The following SCG5 variants were observed in gnomAD, a reference collection of about 807,000 sequenced individuals.
SCG5 encodes the protein neuroendocrine protein 7B2.
In SCG5, 18 loss-of-function variants were observed where a neutral mutation model predicts 25.7. That is an observed-to-expected ratio of 0.70 (90% CI 0.48 to 1.04). The LOEUF is 1.04. Ranked by LOEUF, SCG5 falls within the 50% of genes least tolerant of loss-of-function variation. The pLI, the probability that SCG5 is intolerant of heterozygous loss-of-function variation, is 0.00. For missense variants in SCG5, 206 were observed against 259.8 expected (o/e 0.79, Z 1.42); for synonymous variants, 101 against 91.7 (o/e 1.10, Z -0.58).
At chr15:32,651,949 G>C (rs535011319) in intron 2 of SCG5, among the ~76,000 whole-genome samples, 25 of 152,308 alleles carry the variant, frequency 1.6e-4, no homozygotes, top group Non-Finnish European at 2.6e-4. Context: ...GGCTGATACT[G>C]TAGGGGTGGA....
At chr15:32,676,053 G>T (rs572801555) in intron 2 of SCG5, among the ~76,000 whole-genome samples, 1 of 152,198 alleles carries the variant, frequency 6.6e-6, no homozygotes, top group South Asian at 2.1e-4. Flanking sequence ...CCAGATAACT[G>T]CATTTGGCCC....
chr15:32,642,131 T>C (rs961603684), intron 1 of SCG5, among the ~76,000 whole-genome samples: 3 of 152,126 alleles, frequency 2.0e-5, no homozygotes, highest in Non-Finnish European at 4.4e-5. Context: ...CAAGGTTTTA[T>C]ATCTAGTGGC....
intron 4 of SCG5, among the ~76,000 whole-genome samples, chr15:32,687,224 C>T (rs2054730123): frequency 6.6e-6 from 1 of 152,202 alleles, no homozygotes; most frequent in Non-Finnish European, 1.5e-5. Context: ...CACTCACTTC[C>T]AGTGCCCCAG....
At chr15:32,690,152 T>C (rs2140604552) in intron 4 of SCG5, among the ~76,000 whole-genome samples, 1 of 152,334 alleles carries the variant, frequency 6.6e-6, no homozygotes, top group Non-Finnish European at 1.5e-5. Context: ...GGGTAGGATC[T>C]GCCCCCAAGA....
At chr15:32,670,478 T>A (rs1439793099) in intron 2 of SCG5, among the ~76,000 whole-genome samples, 1 of 152,288 alleles carries the variant, frequency 6.6e-6, no homozygotes, top group Non-Finnish European at 1.5e-5. Context: ...GGGGGTCACT[T>A]GTCATGTGAG....
rs1052073412 is a variant in SCG5 at position 32,696,982 on chromosome 15, T to C, written c.*373T>C. On this transcript the variant is annotated 3_prime_UTR_variant, in exon 6 of 6. Coordinates refer to ENST00000300175, the MANE Select transcript of SCG5 (RefSeq NM_001144757.3). ...AAGCTGTCATTTGATTTTGATTATG[T>C]AGTTCATCCAGCCCTTGGGCATTGT... The C allele has an allele frequency of 2.9e-5, 5 of 172,966 alleles. No homozygotes were observed. Among genetic ancestry groups the C allele is most frequent in the African/African-American group, 1.2e-4 (5 of 42,104 alleles). The allele number at this position is 172,966 out of a possible 1,614,324, so 10.7% of individuals were successfully genotyped here.
chr15:32,643,210 A>C (rs1262847397), intron 1 of SCG5, among the ~76,000 whole-genome samples: 2 of 152,160 alleles, frequency 1.3e-5, no homozygotes, highest in Non-Finnish European at 2.9e-5. Context: ...TCTCTTTCTC[A>C]AAATGTAAGC....
intron 2 of SCG5, among the ~76,000 whole-genome samples, chr15:32,677,054 CTTATA>C (rs1371760440): frequency 1.3e-5 from 2 of 151,980 alleles, no homozygotes; most frequent in South Asian, 4.2e-4. Flanking sequence ...TATAAAATAC[CTTATA>C]TTACATATTC....
intron 3 of SCG5, among the ~76,000 whole-genome samples, chr15:32,681,491 T>C (rs901844983): frequency 9.3e-5 from 14 of 150,962 alleles, no homozygotes; most frequent in African/African-American, 2.2e-4. Context: ...TTTTCTTTTT[T>C]TTTTTTTTGA....
chr15:32,652,873 A>G lies in SCG5; in HGVS notation c.226+9055A>G, dbSNP rs904559461. Among the ~76,000 whole-genome samples the G allele has an allele frequency of 2.0e-5, 3 of 152,190 alleles. No homozygotes were observed. The South Asian group carries it at 6.2e-4, about 31-fold the overall frequency. ...TTACTAGTTATAGTATAAACTTTTAATATTTACTTTTTATAACTCCTAGAT... is the reference window on the plus strand; with the variant it reads ...TTACTAGTTATAGTATAAACTTTTAGTATTTACTTTTTATAACTCCTAGAT... On this transcript the variant is annotated intron_variant, in intron 2 of 5. Coordinates refer to ENST00000300175, the MANE Select transcript of SCG5 (RefSeq NM_001144757.3).
intron 2 of SCG5, among the ~76,000 whole-genome samples, chr15:32,674,257 C>T (rs1487955787): frequency 6.6e-6 from 1 of 152,180 alleles, no homozygotes; most frequent in African/African-American, 2.4e-5. Flanking sequence ...CTACATGAAA[C>T]AGCACGTTCT....
chr15:32,662,900 G>A (rs2054244694), intron 2 of SCG5, among the ~76,000 whole-genome samples: 1 of 151,524 alleles, frequency 6.6e-6, no homozygotes, highest in Non-Finnish European at 1.5e-5. Context: ...CAAGCGAGGT[G>A]ATTGGAGTGC....
intron 2 of SCG5, among the ~76,000 whole-genome samples, chr15:32,671,659 C>T (rs567847296): frequency 6.6e-4 from 100 of 151,068 alleles, no homozygotes; most frequent in African/African-American, 2.4e-3. Context: ...CAAGTGATGG[C>T]GCTTTTTGTA....
At chr15:32,664,382 A>G (rs1206368763) in intron 2 of SCG5, among the ~76,000 whole-genome samples, 3 of 152,172 alleles carry the variant, frequency 2.0e-5, no homozygotes. Context: ...TTCAGAAATG[A>G]GGAAACCCAG....
intron 5 of SCG5, among the ~76,000 whole-genome samples, chr15:32,692,778 C>T (rs1032343099): frequency 1.3e-4 from 20 of 152,136 alleles, no homozygotes; most frequent in African/African-American, 4.1e-4. Flanking sequence ...TTGCCAAATC[C>T]GGTCAGAGAG....
chr15:32,670,518 C>T lies in SCG5; in HGVS notation c.227-9248C>T, dbSNP rs372088245. Among the ~76,000 whole-genome samples, 48 of 152,366 alleles carry T rather than the reference C, an allele frequency of 3.2e-4. No homozygotes were observed. The South Asian group carries it at 8.1e-3, about 26-fold the overall frequency. ...GAGAATGTGGATATTGCAACATAAACCCTCACCATTCTAAACAGCTTAAAC... is the reference window on the plus strand; with the variant it reads ...GAGAATGTGGATATTGCAACATAAATCCTCACCATTCTAAACAGCTTAAAC... On this transcript the variant is annotated intron_variant, in intron 2 of 5. Transcript: ENST00000300175.
intron 3 of SCG5, among the ~76,000 whole-genome samples, chr15:32,683,016 G>C (rs1240673390): frequency 6.6e-6 from 1 of 152,170 alleles, no homozygotes; most frequent in Non-Finnish European, 1.5e-5. Context: ...GGTTATAAAG[G>C]TGCCATATGC....
chr15:32,652,620 G>A (rs2054051020), intron 2 of SCG5, among the ~76,000 whole-genome samples: 1 of 152,164 alleles, frequency 6.6e-6, no homozygotes, highest in African/African-American at 2.4e-5. Context: ...TGGCAAAGGT[G>A]TGCTGGGATA....
At chr15:32,672,933 AGAG>A (rs371425583) in intron 2 of SCG5, 4 of 106,498 alleles carry the variant, frequency 3.8e-5, no homozygotes, top group Admixed American at 8.7e-5. Context: ...AAAAAAAAAA[AGAG>A]ACAGAGTGAC....
Sources: gnomAD v4.1 joint callset for allele counts (sites outside exome capture counted in the v4.1 genomes callset) on GRCh38, gnomAD v4.1.1 for gene constraint, MANE v1.5 for transcripts, NCBI Gene and HGNC (gene_info 2026-07-23, HGNC 2026-07-21) for gene names.